FIGN: variants seen among roughly 807,000 people sequenced by gnomAD.
FIGN encodes the protein fidgetin, microtubule severing factor, also known as fidgetin.
A neutral mutation model predicts 51.3 loss-of-function variants in FIGN; 11 were observed. The ratio of observed to expected loss-of-function variants is 0.21; its 90% CI spans 0.13 to 0.35. The LOEUF (loss-of-function observed/expected upper bound fraction) is 0.35, where lower values mean the gene tolerates loss of function less well. FIGN is among the 10% of genes least tolerant of loss of function. The pLI is 1.00. For missense variants in FIGN, 857 were observed against 943.6 expected (o/e 0.91, Z 1.20); for synonymous variants, 407 against 363.2 (o/e 1.12, Z -1.37).
Position 163,735,051 on chromosome 2 carries a change from T to G in FIGN, c.-124A>C. The G allele has an allele frequency of 3.5e-6, 3 of 850,658 alleles. No individual in the cohort carries two copies. Among genetic ancestry groups the G allele is most frequent in the Non-Finnish European group, 5.5e-6 (3 of 540,918 alleles). 52.7% of individuals were successfully genotyped at this position (850,658 alleles called of 1,614,324 possible). On this transcript the variant is annotated 5_prime_UTR_variant, in exon 2 of 3. Transcript: ENST00000333129. Reference sequence around the variant, plus strand: ...TGTCACTGCCTTGAAACGTGGGCCCTTTCGTCAGGTATTCATTTAACCTAC... The same window carrying G: ...TGTCACTGCCTTGAAACGTGGGCCCGTTCGTCAGGTATTCATTTAACCTAC...
chr2:163,673,077 C>T (rs1385523834), intron 2 of FIGN, among the ~76,000 whole-genome samples: 1 of 152,052 alleles, frequency 6.6e-6, no homozygotes, highest in Non-Finnish European at 1.5e-5. Context: ...AACTGAGCAG[C>T]TTACGACAGA....
intron 2 of FIGN, 88 bp downstream of exon 2, chr2:163,734,815 G>T: frequency 1.6e-6 from 2 of 1,232,060 alleles, no homozygotes; most frequent in Non-Finnish European, 2.3e-6. Context: ...GCAACTGCTT[G>T]CCAGGCAGTC....
chr2:163,614,608 GA>G (rs113121034), intron 2 of FIGN, among the ~76,000 whole-genome samples: 23 of 150,258 alleles, frequency 1.5e-4, no homozygotes, highest in South Asian at 4.2e-4. Context: ...AGAAAAACGT[GA>G]AAAAAAAAGT....
intron 2 of FIGN, among the ~76,000 whole-genome samples, chr2:163,717,851 G>A (rs535821567): frequency 2.0e-5 from 3 of 152,202 alleles, no homozygotes; most frequent in East Asian, 1.9e-4. Context: ...AAAAATCAAC[G>A]TTTCAACCAT....
At chr2:163,612,428 T>C (rs1335295492) in intron 2 of FIGN, 2 of 985,256 alleles carry the variant, frequency 2.0e-6, no homozygotes, top group African/African-American at 3.5e-5. Context: ...AATCCAACTC[T>C]CATCTAAAGT....
chr2:163,696,094 G>C (rs185627433), intron 2 of FIGN, among the ~76,000 whole-genome samples: 60 of 152,166 alleles, frequency 3.9e-4, no homozygotes, highest in Non-Finnish European at 2.1e-4. Flanking sequence ...ATGGGCAAGA[G>C]AGCAAGACTC....
At chr2:163,697,125 C>T (rs1262350753) in intron 2 of FIGN, among the ~76,000 whole-genome samples, 6 of 110,280 alleles carry the variant, frequency 5.4e-5, no homozygotes, top group African/African-American at 7.8e-5. Context: ...TTTTTTGAGA[C>T]GGGTTCTCAC....
At chr2:163,667,427 A>T (rs1254070639) in intron 2 of FIGN, among the ~76,000 whole-genome samples, 2 of 152,178 alleles carry the variant, frequency 1.3e-5, no homozygotes, top group African/African-American at 4.8e-5. Flanking sequence ...GTTTACCCAC[A>T]GGAGGAAGTC....
At chr2:163,675,120 TTTC>T (rs1391519442) in intron 2 of FIGN, among the ~76,000 whole-genome samples, 2 of 152,256 alleles carry the variant, frequency 1.3e-5, no homozygotes, top group African/African-American at 4.8e-5. Context: ...GTTAACATAG[TTTC>T]TTCTTATTGA....
At chr2:163,662,838 A>G (rs1683711372) in intron 2 of FIGN, among the ~76,000 whole-genome samples, 1 of 152,168 alleles carries the variant, frequency 6.6e-6, no homozygotes, top group South Asian at 2.1e-4. Context: ...TGTGATAGTG[A>G]ATTAAGTCTC....
chr2:163,681,821 G>A lies in FIGN; in HGVS notation c.25+53082C>T, dbSNP rs1353091307. 2.6e-5 allele frequency among the ~76,000 whole-genome samples: 4 copies of A among 152,270 alleles called. No homozygotes were observed. The East Asian group carries it at 7.7e-4, about 29-fold the overall frequency. On this transcript the variant is annotated intron_variant, in intron 2 of 2. Transcript: ENST00000333129. ...CCTACTGGCTTATGAAGAACTCTGT[G>A]GAGAATGCTAGAATGACTGCTGTGA...
intron 2 of FIGN, among the ~76,000 whole-genome samples, chr2:163,647,996 A>T (rs1683409421): frequency 1.3e-5 from 2 of 152,136 alleles, no homozygotes; most frequent in African/African-American, 4.8e-5. Context: ...TGGCTGAGAG[A>T]GACAAAGACA....
intron 2 of FIGN, among the ~76,000 whole-genome samples, chr2:163,615,346 A>T (rs1171352156): frequency 6.6e-6 from 1 of 152,224 alleles, no homozygotes; most frequent in African/African-American, 2.4e-5. Context: ...AATTCTTGAT[A>T]TTAGCAGGAG....
intron 2 of FIGN, among the ~76,000 whole-genome samples, chr2:163,668,393 A>G (rs1370268800): frequency 2.6e-5 from 4 of 152,208 alleles, no homozygotes; most frequent in Non-Finnish European, 4.4e-5. Context: ...AACTATTTGA[A>G]GAAGGAGACA....
intron 2 of FIGN, among the ~76,000 whole-genome samples, chr2:163,627,689 G>A (rs550528328): frequency 2.8e-4 from 43 of 152,124 alleles, no homozygotes; most frequent in South Asian, 1.0e-3. Flanking sequence ...ATTCTTACCC[G>A]TTACCAGTTT....
chr2:163,707,213 G>A (rs1005739708), intron 2 of FIGN, among the ~76,000 whole-genome samples: 2 of 152,066 alleles, frequency 1.3e-5, no homozygotes, highest in Non-Finnish European at 2.9e-5. Context: ...GCTGGGTATG[G>A]TGGCATGTGC....
intron 2 of FIGN, among the ~76,000 whole-genome samples, chr2:163,712,641 G>A: frequency 6.6e-6 from 1 of 152,036 alleles, no homozygotes; most frequent in East Asian, 1.9e-4. Flanking sequence ...TTGGTTATAT[G>A]TTGTGAGGTT....
intron 2 of FIGN, among the ~76,000 whole-genome samples, chr2:163,727,085 C>T (rs1262745473): frequency 6.6e-6 from 1 of 151,880 alleles, no homozygotes; most frequent in Non-Finnish European, 1.5e-5. Context: ...AAAGAGTTTA[C>T]AATCTTCAAT....
intron 2 of FIGN, among the ~76,000 whole-genome samples, chr2:163,655,267 A>G (rs371590990): frequency 5.1e-4 from 77 of 152,306 alleles, no homozygotes; most frequent in African/African-American, 1.8e-3. Flanking sequence ...CCTCATATAC[A>G]TTAAGCACCT....
Sources: gnomAD v4.1 joint callset for allele counts (sites outside exome capture counted in the v4.1 genomes callset) on GRCh38, gnomAD v4.1.1 for gene constraint, MANE v1.5 for transcripts, NCBI Gene and HGNC (gene_info 2026-07-23, HGNC 2026-07-21) for gene names.